GPR161: variants seen among roughly 807,000 people sequenced by gnomAD.
GPR161 encodes the protein G-protein coupled receptor RE2.
Under a neutral mutation model 39.2 loss-of-function variants are expected in GPR161, and 25 were observed. The ratio of observed to expected loss-of-function variants is 0.64; its 90% CI spans 0.47 to 0.89. GPR161 has a LOEUF of 0.89. Among genes scored for constraint, GPR161 ranks in the 40% least tolerant of loss-of-function variants. GPR161 has a pLI of 0.00. For missense variants in GPR161, 547 were observed against 677.8 expected, an observed-to-expected ratio of 0.81 and a Z score of 2.14; for synonymous variants, 286 against 276.6, an observed-to-expected ratio of 1.03 and a Z score of -0.34.
intron 1 of GPR161, among the ~76,000 whole-genome samples, chr1:168,119,674 A>G (rs1247814881): frequency 6.6e-6 from 1 of 152,164 alleles, no homozygotes; most frequent in Non-Finnish European, 1.5e-5. Flanking sequence ...CTGTGTCCCC[A>G]CCCAAATCTT....
At chr1:168,097,996 C>T (rs1187012469) in intron 2 of GPR161, among the ~76,000 whole-genome samples, 14 of 152,156 alleles carry the variant, frequency 9.2e-5, no homozygotes, top group Non-Finnish European at 1.9e-4. Flanking sequence ...GGGGCGGGTC[C>T]GAATCACTCA....
intron 1 of GPR161, among the ~76,000 whole-genome samples, chr1:168,130,291 A>G (rs1355407029): frequency 5.3e-5 from 8 of 152,156 alleles, no homozygotes; most frequent in Admixed American, 2.6e-4. Flanking sequence ...CACATGACCT[A>G]TGCCTCGCCA....
intron 1 of GPR161, among the ~76,000 whole-genome samples, chr1:168,119,257 CGTATATATATGTGT>C (rs1697940461): frequency 2.0e-5 from 2 of 97,922 alleles, no homozygotes; most frequent in African/African-American, 1.1e-4. Flanking sequence ...TATATATATA[CGTATATATATGTGT>C]ATATATATAT....
At chr1:168,133,036 C>A (rs533169571) in intron 1 of GPR161, among the ~76,000 whole-genome samples, 1 of 152,178 alleles carries the variant, frequency 6.6e-6, no homozygotes, top group Non-Finnish European at 1.5e-5. Context: ...TGAGCCACTG[C>A]GCCCAGCCCA....
chr1:168,096,672 A>G lies in GPR161; in HGVS notation c.935T>C (p.Leu312Pro). Reference sequence around the variant, plus strand: ...GTGGCAGACAGCGCTGGCAAAGGACAGCCATGTGGCCCAAGTCTCCAGGCT... The same window carrying G: ...GTGGCAGACAGCGCTGGCAAAGGACGGCCATGTGGCCCAAGTCTCCAGGCT... The part of the protein sequence containing the change: ...SPSLETWATW[L>P]SFASAVCHPL... Residue 312 changes from leucine to proline, a missense_variant, in exon 3 of 6, where the codon CTG becomes CCG. Transcript: ENST00000682931. 1 of 1,614,206 alleles carries G rather than the reference A, an allele frequency of 6.2e-7. No individual in the cohort carries two copies.
rs567781695 is a variant in GPR161 at position 168,080,581 on chromosome 1, C to T, written c.*4950G>A. On this transcript the variant is annotated 3_prime_UTR_variant, in exon 6 of 6. Coordinates refer to ENST00000682931, the MANE Select transcript of GPR161 (RefSeq NM_001375883.1). ...CATATATTGTGGGTAGCATCCCTGC[C>T]CTGCCTCTTAGGGGCTTGGAGGATT... is the stretch of plus-strand genomic sequence containing the variant. The T allele has an allele frequency of 6.6e-6, 1 of 152,354 alleles. No individual in the cohort carries two copies. Among genetic ancestry groups the T allele is most frequent in the Admixed American group, 6.5e-5 (1 of 15,284 alleles). 9.4% of individuals were successfully genotyped at this position (152,354 alleles called of 1,614,324 possible).
Position 168,087,818 on chromosome 1 carries a change from T to C in GPR161, c.1205-114A>G. 4 of 1,103,966 alleles carry C rather than the reference T, an allele frequency of 3.6e-6. No individual in the cohort carries two copies. In the South Asian group the frequency reaches 6.3e-5, roughly 17 times the overall value. The allele number at this position is 1,103,966 out of a possible 1,614,324, so 68.4% of individuals were successfully genotyped here. A position where few individuals can be genotyped will look rare whatever the true frequency, so the allele number is the denominator to read the frequency against. On this transcript the variant is annotated intron_variant, in intron 4 of 5. Coordinates refer to ENST00000682931, the MANE Select transcript of GPR161 (RefSeq NM_001375883.1). ...TTCTCCCGTTCATCCAAACCCATCA[T>C]CAAGTGGAGCTGACTGCGCCGCAGC...
chr1:168,136,775 C>T lies in GPR161; in HGVS notation c.-81G>A. On this transcript the variant is annotated 5_prime_UTR_variant, in exon 1 of 6. Coordinates refer to ENST00000682931, the MANE Select transcript of GPR161 (RefSeq NM_001375883.1). The stretch of plus-strand genomic sequence containing the variant: ...CGCCGCGGCAGCTCAGGCCCCGGCC[C>T]AGCCGCCTCCCCGCCTCGGCCACCG... The T allele has an allele frequency of 6.1e-6, 6 of 988,992 alleles. No individual in the cohort carries two copies. Among genetic ancestry groups the T allele is most frequent in the Non-Finnish European group, 7.2e-6 (6 of 832,554 alleles). 61.3% of individuals were successfully genotyped at this position (988,992 alleles called of 1,614,324 possible).
In GPR161 at chr1:168,096,802, G is replaced by A. The variant is rs897337266; in HGVS notation, c.805C>T (p.Leu269Phe). 1.2e-6 allele frequency: 2 copies of A among 1,613,916 alleles called. No homozygotes were observed. ...CCGAGGACCACCAGGATGGTGATGA[G>A]GGCTTTGCACTGGTTGGCCGAGTAG... ...VVYSANQCKA[L>F]ITILVVLGAF... Residue 269 changes from leucine (L) to phenylalanine (F), a missense_variant, in exon 3 of 6, where the codon CTC becomes TTC. Leu to Phe is a conservative substitution (Grantham distance 22). Coordinates refer to ENST00000682931, the MANE Select transcript of GPR161 (RefSeq NM_001375883.1).
intron 1 of GPR161, among the ~76,000 whole-genome samples, chr1:168,117,730 C>A (rs545325976): frequency 2.0e-5 from 3 of 152,182 alleles, no homozygotes; most frequent in Non-Finnish European, 4.4e-5. Flanking sequence ...GCCTGTGAGT[C>A]TATTGTTTAT....
At chr1:168,090,977 G>A (rs1321475994) in intron 3 of GPR161, among the ~76,000 whole-genome samples, 1 of 152,208 alleles carries the variant, frequency 6.6e-6, no homozygotes, top group African/African-American at 2.4e-5. Context: ...AAAATGTGAG[G>A]TGAGAAGATC....
chr1:168,123,125 G>A (rs931111516), intron 1 of GPR161, among the ~76,000 whole-genome samples: 1 of 152,138 alleles, frequency 6.6e-6, no homozygotes, highest in Admixed American at 6.5e-5. Flanking sequence ...CTGATTTCAC[G>A]TGGGGTACCA....
rs762034247 is a variant in GPR161 at position 168,080,205 on chromosome 1, T to G, written c.*5326A>C. The G allele has an allele frequency of 6.6e-6, 1 of 152,194 alleles. No homozygotes were observed. Among genetic ancestry groups the G allele is most frequent in the Non-Finnish European group, 1.5e-5 (1 of 68,028 alleles). The allele number at this position is 152,194 out of a possible 1,614,324, so 9.4% of individuals were successfully genotyped here. A position where few individuals can be genotyped will look rare whatever the true frequency, so the allele number is the denominator to read the frequency against. On this transcript the variant is annotated 3_prime_UTR_variant, in exon 6 of 6. Transcript: ENST00000682931. ...GGTCTGGCCAGCAGATATTAATATCTCCCAAGATCCTTGGTTTATAATAGT... is the reference window on the plus strand; with the variant it reads ...GGTCTGGCCAGCAGATATTAATATCGCCCAAGATCCTTGGTTTATAATAGT...
intron 2 of GPR161, among the ~76,000 whole-genome samples, chr1:168,097,655 T>C (rs1404264626): frequency 6.6e-6 from 1 of 152,164 alleles, no homozygotes; most frequent in Non-Finnish European, 1.5e-5. Context: ...ACGGGCTTCA[T>C]TCAACCAATG....
At chr1:168,136,987 G>A, upstream of GPR161, 5 of 671,628 alleles carry the variant, frequency 7.4e-6, no homozygotes, top group East Asian at 8.8e-4. Context: ...GGGCCCCTCC[G>A]GCCCCCGGAG....
chr1:168,135,421 G>A (rs1046086147), intron 1 of GPR161, among the ~76,000 whole-genome samples: 12 of 152,262 alleles, frequency 7.9e-5, no homozygotes, highest in Middle Eastern at 3.4e-3. Flanking sequence ...GAGGAGGACC[G>A]GAAGAGAGGT....
In GPR161 at chr1:168,123,537, T is replaced by TACACACACACAC. The variant is rs10534836; in HGVS notation, c.-45+13190_-45+13201dup. Among the ~76,000 whole-genome samples, 816 of 138,178 alleles carry TACACACACACAC rather than the reference T, an allele frequency of 5.9e-3. 10 individuals are homozygous for TACACACACACAC. Among genetic ancestry groups the TACACACACACAC allele is most frequent in the African/African-American group, 0.018 (662 of 36,948 alleles). The allele number at this position is 138,178 out of a possible 152,430, so 90.7% of individuals were successfully genotyped here. On this transcript the variant is annotated intron_variant, in intron 1 of 5. Transcript: ENST00000682931. ...ATATAGATATAGATATGCACATACA[T>TACACACACACAC]ACACACACACACACACACACACACA...
chr1:168,096,559 C>A lies in GPR161; in HGVS notation c.1048G>T (p.Val350Leu), dbSNP rs768611046. The change falls in exon 3 of 6, where the codon GTG (valine) becomes TTG (leucine). Residue 350 changes from valine (V) to leucine (L), a missense_variant. Coordinates refer to ENST00000682931, the MANE Select transcript of GPR161 (RefSeq NM_001375883.1). Reference protein sequence around the residue: ...FGDRYYREPFVQRQRTSRLFS... With the variant: ...FGDRYYREPFLQRQRTSRLFS... The stretch of plus-strand genomic sequence containing the variant: ...AGCCTGGAAGTCCTCTGTCGTTGCA[C>A]AAATGGTTCCCGATAATACCGGTCC... 2.7e-5 allele frequency: 44 copies of A among 1,614,094 alleles called. No homozygotes were observed. The highest frequency in any genetic ancestry group is 3.6e-5 in the Non-Finnish European group (42 of 1,180,040).
upstream of GPR161, chr1:168,137,133 G>T (rs1699453902): frequency 1.8e-6 from 2 of 1,101,854 alleles, no homozygotes; most frequent in Non-Finnish European, 2.2e-6. Flanking sequence ...CCCACGAACA[G>T]CCTCGGCTGC....
Sources: gnomAD v4.1 joint callset for allele counts (sites outside exome capture counted in the v4.1 genomes callset) on GRCh38, gnomAD v4.1.1 for gene constraint, MANE v1.5 for transcripts, NCBI Gene and HGNC (gene_info 2026-07-23, HGNC 2026-07-21) for gene names.